Variants in PTPRG observed in about 807,000 individuals in gnomAD.
The protein encoded by PTPRG is receptor-type tyrosine-protein phosphatase gamma.
PTPRG carries 102 observed loss-of-function variants against 165.3 expected under a neutral mutation model. The ratio of observed to expected loss-of-function variants is 0.62; its 90% CI spans 0.53 to 0.73. The LOEUF (loss-of-function observed/expected upper bound fraction) is 0.73, where lower values mean the gene tolerates loss of function less well. Ranked by LOEUF, PTPRG falls within the 30% of genes least tolerant of loss-of-function variation. The pLI is 0.00. For synonymous variants in PTPRG, 675 were observed against 669.5 expected, an observed-to-expected ratio of 1.01 and a Z score of -0.13; for missense variants, 1,866 against 1,861.4, an observed-to-expected ratio of 1.00 and a Z score of -0.05.
At chr3:62,067,038 C>CAA (rs58056271) in intron 4 of PTPRG, among the ~76,000 whole-genome samples, 5 of 111,988 alleles carry the variant, frequency 4.5e-5, no homozygotes, top group African/African-American at 1.1e-4. Context: ...GATTCTGACT[C>CAA]AAAAAAAAAA....
At chr3:61,763,274 G>T (rs183063221) in intron 2 of PTPRG, among the ~76,000 whole-genome samples, 1 of 151,460 alleles carries the variant, frequency 6.6e-6, no homozygotes, top group African/African-American at 2.4e-5. Context: ...GTCTCACCCT[G>T]TTGCCCAGGC....
At chr3:62,030,270 C>T (rs1699722744) in intron 4 of PTPRG, among the ~76,000 whole-genome samples, 1 of 151,638 alleles carries the variant, frequency 6.6e-6, no homozygotes, top group Non-Finnish European at 1.5e-5. Flanking sequence ...ATTACTCCCC[C>T]TCTCACCCAA....
chr3:62,003,812 T>C (rs2074631), intron 4 of PTPRG, among the ~76,000 whole-genome samples: 15,279 of 152,222 alleles, frequency 0.1, 1,309 homozygotes, highest in African/African-American at 0.22. Flanking sequence ...AGGTGACATT[T>C]TGTACGAAAC....
intron 3 of PTPRG, among the ~76,000 whole-genome samples, chr3:61,998,843 A>T (rs939445080): frequency 8.5e-5 from 13 of 152,196 alleles, no homozygotes; most frequent in Non-Finnish European, 1.6e-4. Context: ...CTCTTAGCCC[A>T]TCTGTCCTAG....
At chr3:61,968,376 C>CT (rs2040315513) in intron 2 of PTPRG, among the ~76,000 whole-genome samples, 1 of 152,078 alleles carries the variant, frequency 6.6e-6, no homozygotes, top group Non-Finnish European at 1.5e-5. Context: ...TTGTTCATCC[C>CT]TTTTTGACGC....
At chr3:61,604,923 G>T (rs1430385981) in intron 1 of PTPRG, among the ~76,000 whole-genome samples, 2 of 152,128 alleles carry the variant, frequency 1.3e-5, no homozygotes, top group African/African-American at 4.8e-5. Context: ...AAGTCACTCG[G>T]TCTGCTAGAT....
intron 8 of PTPRG, among the ~76,000 whole-genome samples, chr3:62,188,934 C>A (rs1699732646): frequency 6.6e-6 from 1 of 152,052 alleles, no homozygotes; most frequent in African/African-American, 2.4e-5. Flanking sequence ...GTAGCTATTT[C>A]CTGATCTTTC....
At chr3:62,108,113 G>A (rs772558392) in intron 5 of PTPRG, among the ~76,000 whole-genome samples, 11 of 151,126 alleles carry the variant, frequency 7.3e-5, no homozygotes, top group Non-Finnish European at 1.5e-4. Context: ...TGTTACATAC[G>A]TATACACGTG....
chr3:61,742,341 C>T (rs1389672620), intron 1 of PTPRG: 4 of 678,872 alleles, frequency 5.9e-6, no homozygotes, highest in Non-Finnish European at 7.2e-6. Context: ...GCGTTGATAT[C>T]TTCAGTAGTA....
chr3:61,671,829 C>T (rs1275527626), intron 1 of PTPRG, among the ~76,000 whole-genome samples: 1 of 143,028 alleles, frequency 7.0e-6, no homozygotes. Flanking sequence ...CTCCTCACTT[C>T]CCAGTAGGGG....
intron 5 of PTPRG, among the ~76,000 whole-genome samples, chr3:62,118,704 G>A (rs1702951243): frequency 6.6e-6 from 1 of 152,072 alleles, no homozygotes; most frequent in Non-Finnish European, 1.5e-5. Context: ...ATAATCCCCT[G>A]GTCTGTATAC....
At chr3:61,815,380 G>C (rs2107230051) in intron 2 of PTPRG, among the ~76,000 whole-genome samples, 1 of 152,080 alleles carries the variant, frequency 6.6e-6, no homozygotes, top group Admixed American at 6.6e-5. Context: ...TCCAGACTGG[G>C]CAACAGAACG....
chr3:61,762,078 A>C (rs143361391), intron 2 of PTPRG, among the ~76,000 whole-genome samples: 25 of 152,266 alleles, frequency 1.6e-4, no homozygotes, highest in African/African-American at 5.5e-4. Context: ...AGGCATTTTT[A>C]GTGTGTTTCT....
intron 2 of PTPRG, among the ~76,000 whole-genome samples, chr3:61,767,239 T>TGAAAAAAAAAAAAAAAAAAAAAA: frequency 1.4e-5 from 1 of 73,098 alleles, no homozygotes; most frequent in East Asian, 5.1e-4. Flanking sequence ...AGATTCCATC[T>TGAAAAAAAAAAAAAAAAAAAAAA]CAAAAAAAAA....
intron 1 of PTPRG, among the ~76,000 whole-genome samples, chr3:61,623,875 C>T (rs780750198): frequency 1.3e-5 from 2 of 152,184 alleles, no homozygotes; most frequent in Non-Finnish European, 2.9e-5. Flanking sequence ...GAGCAGGCAG[C>T]ATGAGTCTAT....
intron 2 of PTPRG, among the ~76,000 whole-genome samples, chr3:61,913,667 C>T (rs951604950): frequency 6.6e-6 from 1 of 152,120 alleles, no homozygotes; most frequent in African/African-American, 2.4e-5. Flanking sequence ...TTTTTGTAAC[C>T]TTGCTTTTGT....
intron 1 of PTPRG, among the ~76,000 whole-genome samples, chr3:61,611,519 C>T (rs569340932): frequency 6.6e-6 from 1 of 152,202 alleles, no homozygotes; most frequent in Admixed American, 6.5e-5. Flanking sequence ...GAGAAGGGAG[C>T]CTGTTTAGAA....
chr3:62,091,583 C>A (rs1701931985), intron 5 of PTPRG, among the ~76,000 whole-genome samples: 1 of 152,134 alleles, frequency 6.6e-6, no homozygotes, highest in South Asian at 2.1e-4. Flanking sequence ...GAGTTCCTCT[C>A]CAGGGTCAAA....
chr3:62,040,263 T>C (rs977459110), intron 4 of PTPRG, among the ~76,000 whole-genome samples: 2 of 152,196 alleles, frequency 1.3e-5, no homozygotes, highest in Non-Finnish European at 2.9e-5. Flanking sequence ...TGCCCAAATA[T>C]CAGTTTTAAC....
Sources: allele counts gnomAD v4.1 joint callset (sites outside exome capture counted in the v4.1 genomes callset), GRCh38; gene constraint gnomAD v4.1.1; transcripts MANE v1.5; gene names NCBI Gene and HGNC (gene_info 2026-07-23, HGNC 2026-07-21).